The following TP63 variants were observed in gnomAD, a reference collection of about 807,000 sequenced individuals.
TP63 encodes the protein tumor protein 63.
A neutral mutation model predicts 82.8 loss-of-function variants in TP63; 17 were observed. The ratio of observed to expected loss-of-function variants is 0.21; its 90% confidence interval spans 0.14 to 0.31. The LOEUF is 0.31. Among genes scored for constraint, TP63 ranks in the 10% least tolerant of loss-of-function variants. TP63 has a pLI of 1.00. For missense variants in TP63, 648 were observed against 895.3 expected (o/e 0.72, Z 3.52); for synonymous variants, 330 against 321.7 (o/e 1.03, Z -0.28).
chr3:189,845,809 A>G lies in TP63; in HGVS notation c.580-18423A>G, dbSNP rs527872139. On this transcript the variant is annotated intron_variant, in intron 4 of 13. Transcript: ENST00000264731. ...TTTTTGTTCCGTGAGAGTTTATTTC[A>G]TCCATAGTCTCTAAGATTTAGGGCT... Among the ~76,000 whole-genome samples the G allele has an allele frequency of 2.6e-5, 4 of 151,072 alleles. No homozygotes were observed. In the Admixed American group the frequency reaches 2.6e-4, roughly 10 times the overall value.
rs373406622 is a variant in TP63, at chr3:189,861,172, G to T, written c.580-3060G>T. The stretch of plus-strand genomic sequence containing the variant: ...CTGCCTCGGCCTCCCAAAGTGCTGG[G>T]ATTACAGGCATGAGCCACTGTGCCC... On this transcript the variant is annotated intron_variant, in intron 4 of 13. Coordinates refer to ENST00000264731, the MANE Select transcript of TP63 (RefSeq NM_003722.5). Among the ~76,000 whole-genome samples, 6 of 152,100 alleles carry T rather than the reference G, an allele frequency of 3.9e-5. No homozygotes were observed. In the East Asian group the frequency reaches 1.2e-3, roughly 29 times the overall value.
chr3:189,685,346 G>GT (rs1237181842), intron 1 of TP63, among the ~76,000 whole-genome samples: 1 of 152,138 alleles, frequency 6.6e-6, no homozygotes, highest in Admixed American at 6.5e-5. Flanking sequence ...ATTGCAGGTT[G>GT]TTTCTTCCTC....
At chr3:189,834,835 G>A (rs1306695913) in intron 4 of TP63, among the ~76,000 whole-genome samples, 5 of 147,266 alleles carry the variant, frequency 3.4e-5, no homozygotes, top group Non-Finnish European at 7.5e-5. Flanking sequence ...AATTATATAT[G>A]TTTTGATATT....
At chr3:189,821,594 T>C (rs1728801654) in intron 4 of TP63, among the ~76,000 whole-genome samples, 1 of 152,236 alleles carries the variant, frequency 6.6e-6, no homozygotes, top group African/African-American at 2.4e-5. Flanking sequence ...TTCCTAAGCC[T>C]CGCTTAAAGC....
At chr3:189,650,024 A>G (rs1022781105) in intron 1 of TP63, among the ~76,000 whole-genome samples, 5 of 147,206 alleles carry the variant, frequency 3.4e-5, no homozygotes, top group Non-Finnish European at 5.9e-5. Context: ...TTATGGTGCT[A>G]TGTACTAAGG....
intron 9 of TP63, among the ~76,000 whole-genome samples, chr3:189,871,147 A>G (rs1370361128): frequency 6.6e-6 from 1 of 152,176 alleles, no homozygotes; most frequent in East Asian, 1.9e-4. Context: ...TTGTACTAAG[A>G]AGGAGGTATC....
intron 1 of TP63, among the ~76,000 whole-genome samples, chr3:189,663,315 A>G (rs547656408): frequency 6.6e-6 from 1 of 152,198 alleles, no homozygotes; most frequent in African/African-American, 2.4e-5. Flanking sequence ...CTTACCATTT[A>G]AGTTCTTTTT....
intron 4 of TP63, among the ~76,000 whole-genome samples, chr3:189,863,688 G>C (rs1231512964): frequency 2.0e-5 from 3 of 152,140 alleles, no homozygotes; most frequent in African/African-American, 7.2e-5. Flanking sequence ...TTGTTTTACA[G>C]TTTCAAGCGA....
At chr3:189,696,897 G>A (rs1348412391) in intron 1 of TP63, among the ~76,000 whole-genome samples, 1 of 151,902 alleles carries the variant, frequency 6.6e-6, no homozygotes, top group East Asian at 1.9e-4. Context: ...TCTAATTGTT[G>A]AATTTTAAGA....
chr3:189,811,583 C>T (rs1475919507), intron 4 of TP63, among the ~76,000 whole-genome samples: 1 of 152,196 alleles, frequency 6.6e-6, no homozygotes, highest in Non-Finnish European at 1.5e-5. Flanking sequence ...TGCATCTTAG[C>T]TTCTAATTCT....
At position 189,775,081 on chromosome 3, in the gene TP63, G is replaced by A. The variant is rs77220109; in HGVS notation, c.325-33191G>A. 5.7e-3 allele frequency among the ~76,000 whole-genome samples: 862 copies of A among 152,072 alleles called. 46 individuals are homozygous for A. The East Asian group carries it at 0.14, about 25-fold the overall frequency. ...TACAAATACAAAAAATTAGCCAGGC[G>A]TGATGGCAGGCACCTATAGTCCCAG... On this transcript the variant is annotated intron_variant, in intron 3 of 13. Coordinates refer to ENST00000264731, the MANE Select transcript of TP63 (RefSeq NM_003722.5).
At chr3:189,697,208 G>C (rs1020448136) in intron 1 of TP63, among the ~76,000 whole-genome samples, 1 of 144,906 alleles carries the variant, frequency 6.9e-6, no homozygotes, top group African/African-American at 2.5e-5. Flanking sequence ...TTTTGTGAAA[G>C]ATGTAAGGTG....
intron 4 of TP63, among the ~76,000 whole-genome samples, chr3:189,836,676 C>A (rs564996553): frequency 6.6e-6 from 1 of 152,194 alleles, no homozygotes; most frequent in African/African-American, 2.4e-5. Context: ...TGTGATAAGC[C>A]CCATCAGTGC....
intron 11 of TP63, 74 bp downstream of exon 11, chr3:189,886,625 G>A (rs1720474059): frequency 6.3e-7 from 1 of 1,594,620 alleles, no homozygotes; most frequent in East Asian, 2.2e-5. Context: ...TGATGGGGAA[G>A]GCATGTTCTT....
intron 4 of TP63, chr3:189,829,933 A>ATC (rs1712054160): frequency 2.6e-6 from 1 of 384,542 alleles, no homozygotes. Flanking sequence ...TTCCAGACAC[A>ATC]TCTCATCTGA....
chr3:189,630,930 G>A (rs908789932), upstream of TP63, among the ~76,000 whole-genome samples: 3 of 151,956 alleles, frequency 2.0e-5, no homozygotes, highest in Non-Finnish European at 4.4e-5. Context: ...GAGGGAAATA[G>A]ATGAAAAAAC....
the TP63 span, among the ~76,000 whole-genome samples, chr3:189,620,585 G>C: frequency 6.6e-6 from 1 of 150,520 alleles, no homozygotes; most frequent in Non-Finnish European, 1.5e-5. Context: ...AATAGAAATA[G>C]TTTCAGATTG....
chr3:189,787,552 T>C (rs1484614835), intron 3 of TP63, among the ~76,000 whole-genome samples: 1 of 152,098 alleles, frequency 6.6e-6, no homozygotes. Context: ...GTATTTGGAT[T>C]CATGCTGATA....
At chr3:189,863,393 C>T (rs955454796) in intron 4 of TP63, among the ~76,000 whole-genome samples, 4 of 152,134 alleles carry the variant, frequency 2.6e-5, no homozygotes, top group African/African-American at 9.7e-5. Context: ...GAGGAAGCAA[C>T]ACAGGATGGG....
Sources: gnomAD v4.1 joint callset for allele counts (sites outside exome capture counted in the v4.1 genomes callset) on GRCh38, gnomAD v4.1.1 for gene constraint, MANE v1.5 for transcripts, NCBI Gene and HGNC (gene_info 2026-07-23, HGNC 2026-07-21) for gene names.